Variants in RORA observed in about 807,000 individuals in gnomAD.
RORA encodes the protein nuclear receptor ROR-alpha.
A neutral mutation model predicts 69.5 loss-of-function variants in RORA; 7 were observed. The ratio of observed to expected loss-of-function variants is 0.10; its 90% CI spans 0.06 to 0.19. The LOEUF is 0.19. RORA is among the 10% of genes least tolerant of loss of function. The pLI is 1.00. For synonymous variants in RORA, 261 were observed against 240.8 expected, an observed-to-expected ratio of 1.08 and a Z score of -0.78; for missense variants, 457 against 663.0, an observed-to-expected ratio of 0.69 and a Z score of 3.41.
chr15:61,055,659 G>C (rs576386793), intron 1 of RORA, among the ~76,000 whole-genome samples: 89 of 152,280 alleles, frequency 5.8e-4, no homozygotes, highest in Non-Finnish European at 1.2e-3. Context: ...CTAAGCAAAA[G>C]TACACAGGCA....
At chr15:60,669,335 GTTT>G (rs74921622) in intron 2 of RORA, among the ~76,000 whole-genome samples, 11 of 103,076 alleles carry the variant, frequency 1.1e-4, no homozygotes, top group South Asian at 7.5e-4. Flanking sequence ...CCCAATAAGC[GTTT>G]TTTTGTTTGT....
chr15:61,110,675 G>C (rs1450034572), intron 1 of RORA, among the ~76,000 whole-genome samples: 1 of 152,126 alleles, frequency 6.6e-6, no homozygotes, highest in Non-Finnish European at 1.5e-5. Context: ...GTGTGGAAGA[G>C]AGTGATACTG....
chr15:60,995,976 T>C (rs1894520128), intron 1 of RORA, among the ~76,000 whole-genome samples: 1 of 152,104 alleles, frequency 6.6e-6, no homozygotes, highest in Non-Finnish European at 1.5e-5. Flanking sequence ...TATGCATTGA[T>C]AAATAAAAAG....
intron 2 of RORA, among the ~76,000 whole-genome samples, chr15:60,569,780 C>A (rs1258199166): frequency 1.3e-5 from 2 of 152,174 alleles, no homozygotes; most frequent in Non-Finnish European, 2.9e-5. Context: ...GTTAAACCTA[C>A]TGGCGACAAA....
chr15:61,007,586 C>T (rs1472622803), intron 1 of RORA, among the ~76,000 whole-genome samples: 1 of 151,402 alleles, frequency 6.6e-6, no homozygotes, highest in African/African-American at 2.4e-5. Context: ...AAAAAATTAC[C>T]TATACCTTTA....
intron 1 of RORA, among the ~76,000 whole-genome samples, chr15:61,138,347 G>A (rs1287886946): frequency 6.6e-6 from 1 of 152,172 alleles, no homozygotes; most frequent in Non-Finnish European, 1.5e-5. Flanking sequence ...GTGGGATGGA[G>A]CTAGATGGTT....
At chr15:61,188,022 G>T (rs2079760727) in intron 1 of RORA, among the ~76,000 whole-genome samples, 1 of 152,154 alleles carries the variant, frequency 6.6e-6, no homozygotes, top group Non-Finnish European at 1.5e-5. Context: ...CAAGACAGAA[G>T]ATCCCGACAG....
chr15:61,152,393 A>C (rs917768730), intron 1 of RORA, among the ~76,000 whole-genome samples: 1 of 152,084 alleles, frequency 6.6e-6, no homozygotes, highest in Non-Finnish European at 1.5e-5. Context: ...GATCTAATAG[A>C]TGTTTCCTTC....
chr15:60,614,899 C>T (rs1274574000), intron 2 of RORA: 1 of 1,611,900 alleles, frequency 6.2e-7, no homozygotes, highest in African/African-American at 1.3e-5. Flanking sequence ...CGCACCTTTT[C>T]TCAATGCAGG....
intron 1 of RORA, among the ~76,000 whole-genome samples, chr15:60,788,120 G>A (rs543495229): frequency 4.3e-4 from 65 of 152,372 alleles, no homozygotes; most frequent in African/African-American, 1.5e-3. Flanking sequence ...CTTCGGTGGG[G>A]ATGTGACATT....
chr15:61,074,226 G>T (rs1317663902), intron 1 of RORA, among the ~76,000 whole-genome samples: 2 of 152,178 alleles, frequency 1.3e-5, no homozygotes, highest in Non-Finnish European at 2.9e-5. Flanking sequence ...TGAAGCCTTA[G>T]CTGCAGTGCT....
At chr15:60,604,065 G>A (rs1353373351) in intron 2 of RORA, among the ~76,000 whole-genome samples, 2 of 148,686 alleles carry the variant, frequency 1.3e-5, no homozygotes, top group Admixed American at 6.8e-5. Flanking sequence ...CCTGGGAGGC[G>A]TAGGTTGCAG....
chr15:60,704,830 T>C (rs544799954), intron 1 of RORA, among the ~76,000 whole-genome samples: 1 of 152,292 alleles, frequency 6.6e-6, no homozygotes, highest in South Asian at 2.1e-4. Flanking sequence ...CTTGAAGTGC[T>C]CCACGTTTGC....
intron 1 of RORA, among the ~76,000 whole-genome samples, chr15:61,219,582 A>T (rs769791920): frequency 3.0e-5 from 3 of 98,698 alleles, no homozygotes; most frequent in East Asian, 2.0e-4. Context: ...CTCAAAATTT[A>T]AAAAAAAAAA....
At chr15:60,854,950 A>G (rs1458237168) in intron 1 of RORA, among the ~76,000 whole-genome samples, 1 of 152,222 alleles carries the variant, frequency 6.6e-6, no homozygotes, top group African/African-American at 2.4e-5. Flanking sequence ...TTTTCCTTCT[A>G]AAGTTCTGTG....
Position 61,088,812 on chromosome 15 carries a change from A to G in RORA, c.166+140241T>C, listed in dbSNP as rs73428901. Among the ~76,000 whole-genome samples the G allele has an allele frequency of 2.4e-3, 366 of 152,354 alleles. 1 individual carries two copies. Among genetic ancestry groups the G allele is most frequent in the African/African-American group, 8.2e-3 (342 of 41,566 alleles). On this transcript the variant is annotated intron_variant, in intron 1 of 10. Transcript: ENST00000335670. Reference sequence around the variant, plus strand: ...AAAAATTCTATCTAAAGTCTCCTCCATCATCACTGAATAATGATGGAAGAA... The same window carrying G: ...AAAAATTCTATCTAAAGTCTCCTCCGTCATCACTGAATAATGATGGAAGAA...
At chr15:61,228,244 T>A (rs907049704) in intron 1 of RORA, among the ~76,000 whole-genome samples, 1 of 152,110 alleles carries the variant, frequency 6.6e-6, no homozygotes, top group Non-Finnish European at 1.5e-5. Context: ...CGGATGCGCG[T>A]GGAGCGCCCC....
intron 1 of RORA, among the ~76,000 whole-genome samples, chr15:60,920,775 A>G (rs4264335): frequency 0.63 from 95,199 of 152,126 alleles, 30,441 homozygotes; most frequent in East Asian, 0.88. Context: ...ACATTTTTCC[A>G]TTTGCTGATA....
chr15:61,119,281 C>T (rs2079080104), intron 1 of RORA, among the ~76,000 whole-genome samples: 1 of 151,906 alleles, frequency 6.6e-6, no homozygotes, highest in Admixed American at 6.6e-5. Flanking sequence ...TCACTGCAAC[C>T]TCCACTTCTG....
Sources: gnomAD v4.1 joint callset for allele counts (sites outside exome capture counted in the v4.1 genomes callset) on GRCh38, gnomAD v4.1.1 for gene constraint, MANE v1.5 for transcripts, NCBI Gene and HGNC (gene_info 2026-07-23, HGNC 2026-07-21) for gene names.